CEACAM19: variants seen among roughly 807,000 people sequenced by gnomAD.
CEACAM19 encodes cell adhesion molecule CEACAM19.
CEACAM19 carries 37 observed loss-of-function variants against 37.6 expected under a neutral mutation model. The observed-to-expected ratio is 0.98, with a 90% CI of 0.76 to 1.29. CEACAM19 has a LOEUF of 1.29. Among genes scored for constraint, CEACAM19 ranks in the 50% most tolerant of loss-of-function variants. CEACAM19 has a pLI of 0.00. For missense variants in CEACAM19, 340 were observed against 375.6 expected, an observed-to-expected ratio of 0.91 and a Z score of 0.78; for synonymous variants, 140 against 149.8, an observed-to-expected ratio of 0.93 and a Z score of 0.48.
chr19:44,683,489 G>T lies in CEACAM19; in HGVS notation c.899G>T (p.Ter300LeuextTer23), dbSNP rs1364404320. ...TACTGCCAGCTGGTGCCAACTTCCT[G>T]ATGGGTCCTGGGCCAGGCCAGCCAG... ...APYCQLVPTS[*>L] Residue 300 changes from the stop codon to leucine, a stop_lost, in exon 8 of 8, where the codon TGA becomes TTA. Transcript: ENST00000358777. 5 of 1,559,174 alleles carry T rather than the reference G, an allele frequency of 3.2e-6. No individual in the cohort carries two copies. In the African/African-American group the frequency reaches 6.8e-5, roughly 21 times the overall value.
upstream of CEACAM19, among the ~76,000 whole-genome samples, chr19:44,667,593 T>TTATAATATAAATATATAATATATA (rs1568511782): frequency 2.9e-5 from 3 of 104,104 alleles, no homozygotes; most frequent in Non-Finnish European, 3.7e-5. Context: ...ATGTATATAT[T>TTATAATATAAATATATAATATATA]TTTATATATA....
At chr19:44,680,425 C>T in intron 5 of CEACAM19, 91 bp downstream of exon 5, 1 of 1,177,116 alleles carries the variant, frequency 8.5e-7, no homozygotes, top group Non-Finnish European at 1.2e-6. Context: ...TTCTCCCTCA[C>T]TCAGAGACCT....
chr19:44,683,192 G>GTC (rs371611471), intron 7 of CEACAM19: 126 of 409,906 alleles, frequency 3.1e-4, no homozygotes, highest in Middle Eastern at 5.7e-4. Context: ...CTGCATCTCT[G>GTC]TCTCTCTCTC....
chr19:44,680,224 AGTCTCTCTCCCCCCGCCTGAGT>A, intron 4 of CEACAM19, 42 bp from the exon 5 acceptor site: 1 of 1,377,148 alleles, frequency 7.3e-7, no homozygotes, highest in Non-Finnish European at 1.0e-6. Context: ...GCTTCTCTTA[AGTCTCTCTCCCCCCGCCTGAGT>A]GTCTCTCTAT....
At chr19:44,679,166 T>G (rs1413927649) in intron 4 of CEACAM19, among the ~76,000 whole-genome samples, 1 of 152,126 alleles carries the variant, frequency 6.6e-6, no homozygotes, top group East Asian at 1.9e-4. Context: ...CTAATTTTTG[T>G]AATTTTTGTA....
intron 2 of CEACAM19, 78 bp from the exon 3 acceptor site, chr19:44,676,193 T>C (rs1973944850): frequency 4.2e-6 from 6 of 1,442,526 alleles, no homozygotes; most frequent in Non-Finnish European, 5.7e-6. Context: ...GTCACTGATA[T>C]AGTCGGTGAG....
upstream of CEACAM19, among the ~76,000 whole-genome samples, chr19:44,670,968 G>A (rs1417982469): frequency 1.3e-5 from 2 of 151,878 alleles, no homozygotes; most frequent in East Asian, 2.0e-4. Flanking sequence ...GGTGGCGCAT[G>A]CCTGCATTTC....
At chr19:44,667,519 A>G (rs1024078241), upstream of CEACAM19, among the ~76,000 whole-genome samples, 1 of 134,258 alleles carries the variant, frequency 7.4e-6, no homozygotes, top group African/African-American at 2.8e-5. Context: ...TTATATATAC[A>G]TATTCATACA....
chr19:44,683,055 A>ACTCT (rs3028346), intron 7 of CEACAM19: 4,862 of 150,842 alleles, frequency 0.032, 176 homozygotes, highest in African/African-American at 0.1. Context: ...CCTTTCTTGG[A>ACTCT]CTCTCTCTCT....
chr19:44,669,710 C>CCTCATTTCTACT (rs1481280346), upstream of CEACAM19, among the ~76,000 whole-genome samples: 4 of 152,096 alleles, frequency 2.6e-5, no homozygotes, highest in Non-Finnish European at 4.4e-5. Flanking sequence ...CCATCATCTG[C>CCTCATTTCTACT]CTCATTTCTA....
chr19:44,678,464 C>G (rs1973991785), intron 3 of CEACAM19: 2 of 160,190 alleles, frequency 1.2e-5, no homozygotes, highest in Admixed American at 6.5e-5. Flanking sequence ...AGGCTGGAAT[C>G]CAGTGGCGCG....
intron 6 of CEACAM19, 68 bp from the exon 7 acceptor site, chr19:44,682,499 C>A (rs1379668408): frequency 8.8e-6 from 13 of 1,477,456 alleles, no homozygotes; most frequent in Non-Finnish European, 1.2e-5. Flanking sequence ...ACTGTCCTAG[C>A]ACCAAAGGTC....
At position 44,680,326 on chromosome 19, in the gene CEACAM19, A is replaced by G; in HGVS notation, c.698A>G (p.His233Arg). 1 of 1,607,898 alleles carries G rather than the reference A, an allele frequency of 6.2e-7. No homozygotes were observed. Among genetic ancestry groups the G allele is most frequent in the Non-Finnish European group, 8.5e-7 (1 of 1,178,432 alleles). Reference protein sequence around the residue: ...TTEKPELGPAHDAGDNNIYEV... With the variant: ...TTEKPELGPARDAGDNNIYEV... ...GAGAAGCCAGAATTGGGCCCTGCTC[A>G]TGATGCTGGTAAGGCGGGAGCCCCA... The change falls in exon 5 of 8, where the codon CAT becomes CGT. Residue 233 changes from histidine to arginine, a missense_variant. Transcript: ENST00000358777.
At chr19:44,670,781 G>GAAAAAAAAAAA (rs74691226), upstream of CEACAM19, among the ~76,000 whole-genome samples, 1 of 58,178 alleles carries the variant, frequency 1.7e-5, no homozygotes, top group Non-Finnish European at 4.9e-5. Flanking sequence ...CCTGTCTCAA[G>GAAAAAAAAAAA]AAAAAAAAAA....
At chr19:44,668,299 AAT>A (rs1425328275), upstream of CEACAM19, among the ~76,000 whole-genome samples, 2 of 79,784 alleles carry the variant, frequency 2.5e-5, no homozygotes, top group African/African-American at 5.7e-5. Flanking sequence ...ATATTTATAT[AAT>A]ATGTTTATAT....
In CEACAM19 at chr19:44,682,575, C is replaced by T. The variant is rs373524627; in HGVS notation, c.801C>T (p.Pro267=). The change falls in exon 7 of 8, where the codon CCC becomes CCT. Residue 267 remains proline (P), a synonymous_variant. Coordinates refer to ENST00000358777, the MANE Select transcript of CEACAM19 (RefSeq NM_001127893.3). ...TRSINPARPL[P]TPPHLQAEPE... is the part of the protein sequence containing the mutation. ...GTGTCCTTCCCTTGCAGCCCCTGCC[C>T]ACACCCCCACACCTGCAGGCGGAGC... The T allele has an allele frequency of 1.4e-5, 22 of 1,602,298 alleles. No homozygotes were observed. Among genetic ancestry groups the T allele is most frequent in the East Asian group, 9.0e-5 (4 of 44,380 alleles).
chr19:44,671,446 C>G (rs899444714), upstream of CEACAM19: 2 of 389,288 alleles, frequency 5.1e-6, no homozygotes, highest in East Asian at 7.3e-5. Flanking sequence ...AGTGAGTCAG[C>G]CACAGGTGAA....
Position 44,676,263 on chromosome 19 carries a change from C to T in CEACAM19, c.425-8C>T. On this transcript the variant is annotated splice_region_variant and splice_polypyrimidine_tract_variant and intron_variant, in intron 2 of 7. Transcript: ENST00000358777. ...CCCCCCTCTCTCTTTCTTTCTCTCA[C>T]CCCTCAGAAAAGAATAAGGAGCTGC... 1 of 1,613,380 alleles carries T rather than the reference C, an allele frequency of 6.2e-7. No homozygotes were observed.
At chr19:44,681,060 G>T (rs1176075217) in intron 5 of CEACAM19, among the ~76,000 whole-genome samples, 167 bp from the exon 6 acceptor site, 1 of 152,186 alleles carries the variant, frequency 6.6e-6, no homozygotes. Context: ...GGAAGGGCAG[G>T]CCTGGGACTG....
Sources: gnomAD v4.1 joint callset for allele counts (sites outside exome capture counted in the v4.1 genomes callset) on GRCh38, gnomAD v4.1.1 for gene constraint, MANE v1.5 for transcripts, NCBI Gene and HGNC (gene_info 2026-07-23, HGNC 2026-07-21) for gene names.